FAM217A: variants seen among roughly 807,000 people sequenced by gnomAD.
FAM217A encodes protein FAM217A.
Under a neutral mutation model 18.5 loss-of-function variants are expected in FAM217A, and 13 were observed. The ratio of observed to expected loss-of-function variants is 0.70; its 90% CI spans 0.46 to 1.12. The LOEUF is 1.12. Ranked by LOEUF, FAM217A falls within the 50% of genes most tolerant of loss-of-function variation. The pLI is 0.00. For synonymous variants in FAM217A, 161 were observed against 202.8 expected (o/e 0.79, Z 1.75); for missense variants, 560 against 575.4 (o/e 0.97, Z 0.27).
chr6:4,084,883 C>G, intron 1 of FAM217A: 1 of 675,244 alleles, frequency 1.5e-6, no homozygotes, highest in East Asian at 2.7e-5. Flanking sequence ...AGAAAAACAA[C>G]CCAGAGTCAT....
chr6:4,077,548 T>C, intron 1 of FAM217A, 100 bp from the exon 2 acceptor site: 1 of 1,031,534 alleles, frequency 9.7e-7, no homozygotes, highest in South Asian at 1.3e-5. Context: ...GGTAAGAGAA[T>C]GCTTAGAAAG....
chr6:4,073,203 C>A (rs1336694850), intron 6 of FAM217A, 72 bp downstream of exon 6: 11 of 1,183,268 alleles, frequency 9.3e-6, no homozygotes, highest in African/African-American at 3.1e-5. Context: ...CCTTGTATTT[C>A]AAATAGTTAT....
intron 2 of FAM217A, among the ~76,000 whole-genome samples, chr6:4,076,036 G>C (rs1021925071): frequency 6.6e-6 from 1 of 152,152 alleles, no homozygotes; most frequent in Non-Finnish European, 1.5e-5. Flanking sequence ...TTTAAAGAAT[G>C]AGGGTGAGGG....
chr6:4,070,778 G>A (rs933047044), intron 6 of FAM217A, among the ~76,000 whole-genome samples: 3 of 152,178 alleles, frequency 2.0e-5, no homozygotes, highest in Non-Finnish European at 4.4e-5. Flanking sequence ...GCCAAGGCAG[G>A]CGGGTTGCTT....
In FAM217A at chr6:4,078,920, C is replaced by T. The variant is rs1770061037; in HGVS notation, c.-103G>A. 1.7e-6 allele frequency: 1 copy of T among 583,496 alleles called. No individual in the cohort carries two copies. The allele number at this position is 583,496 out of a possible 1,614,324, so 36.1% of individuals were successfully genotyped here. A position where few individuals can be genotyped will look rare whatever the true frequency, so the allele number is the denominator to read the frequency against. ...CGCCGCCCCGAGGCCCGAGCGCCTC[C>T]GCGTGCGTGGCTGACGGCTTGGAGG... On this transcript the variant is annotated 5_prime_UTR_variant, in exon 1 of 7. Transcript: ENST00000274673.
chr6:4,076,154 C>T (rs560092263), intron 2 of FAM217A, among the ~76,000 whole-genome samples: 14 of 150,866 alleles, frequency 9.3e-5, no homozygotes, highest in African/African-American at 2.9e-4. Flanking sequence ...CATGTCGAAA[C>T]CCCATTTCTA....
chr6:4,069,059 A>G lies in FAM217A; in HGVS notation c.1164T>C (p.Ser388=), dbSNP rs1769214827. 1.2e-6 allele frequency: 2 copies of G among 1,614,024 alleles called. No homozygotes were observed. Among genetic ancestry groups the G allele is most frequent in the Middle Eastern group, 1.7e-4 (1 of 6,056 alleles). The change falls in exon 7 of 7, where the codon AGT becomes AGC. Residue 388 remains serine (S), a synonymous_variant. Coordinates refer to ENST00000274673, the MANE Select transcript of FAM217A (RefSeq NM_173563.3). ...CAATCAATTGTTTTGGGGTGGAAGA[A>G]CTTTTTAGAGACAGTGGTCTAGAAT... ...RWNSRPLSLK[S]SSTPKQLIET...
upstream of FAM217A, chr6:4,079,606 G>C (rs1171574569): frequency 7.8e-7 from 1 of 1,287,156 alleles, no homozygotes; most frequent in South Asian, 1.2e-5. Flanking sequence ...GGGCCTCTGG[G>C]ACCCGGGGCC....
intron 4 of FAM217A, among the ~76,000 whole-genome samples, chr6:4,074,200 C>T (rs999304258): frequency 6.6e-6 from 1 of 152,032 alleles, no homozygotes; most frequent in African/African-American, 2.4e-5. Flanking sequence ...TCGGCAATGA[C>T]TAAAAAATAC....
upstream of FAM217A, among the ~76,000 whole-genome samples, chr6:4,083,857 C>T (rs1007690217): frequency 2.6e-5 from 4 of 152,128 alleles, no homozygotes; most frequent in Non-Finnish European, 4.4e-5. Flanking sequence ...CCCCAGCCTA[C>T]AGCAGAATCT....
chr6:4,069,961 G>A, intron 6 of FAM217A, 41 bp from the exon 7 acceptor site: 1 of 1,350,154 alleles, frequency 7.4e-7, no homozygotes, highest in African/African-American at 1.5e-5. Context: ...TTATTGACTA[G>A]AATTAAAATG....
chr6:4,069,725 A>G lies in FAM217A; in HGVS notation c.498T>C (p.His166=), dbSNP rs1769279649. The stretch of plus-strand genomic sequence containing the variant: ...TTTCTATAGTTGAACATGAACTAAC[A>G]TGAATCTCATTTCTGTTCTTAAAAA... The part of the protein sequence containing the change: ...GDFFKNRNEI[H]VSSCSTIENN... The change falls in exon 7 of 7, where the codon CAT becomes CAC. Residue 166 remains histidine, a synonymous_variant. Transcript: ENST00000274673. 2 of 1,614,036 alleles carry G rather than the reference A, an allele frequency of 1.2e-6. No individual in the cohort carries two copies. The highest frequency in any genetic ancestry group is 1.3e-5 in the African/African-American group (1 of 74,914).
chr6:4,086,882 T>C (rs2113903339), intron 1 of FAM217A: 1 of 398,194 alleles, frequency 2.5e-6, no homozygotes, highest in Non-Finnish European at 4.4e-6. Flanking sequence ...TTCTATTGTT[T>C]TCTGCTTTTT....
chr6:4,072,552 C>T (rs1205560207), intron 6 of FAM217A, among the ~76,000 whole-genome samples: 1 of 151,798 alleles, frequency 6.6e-6, no homozygotes, highest in African/African-American at 2.4e-5. Context: ...CACCTGAGGT[C>T]GGGAGTTTGA....
At position 4,069,575 on chromosome 6, in the gene FAM217A, G is replaced by C. The variant is rs1235289765; in HGVS notation, c.648C>G (p.Leu216=). 6.2e-7 allele frequency: 1 copy of C among 1,613,918 alleles called. No individual in the cohort carries two copies. The highest frequency in any genetic ancestry group is 8.5e-7 in the Non-Finnish European group (1 of 1,179,990). The part of the protein sequence containing the change: ...SENEKTNDTL[L]SYFKKVDLNL... ...TCAGGTCCACCTTTTTAAAATAGCT[G>C]AGTAAAGTATCATTTGTCTTCTCAT... Residue 216 remains leucine, a synonymous_variant, in exon 7 of 7, where the codon CTC becomes CTG. Coordinates refer to ENST00000274673, the MANE Select transcript of FAM217A (RefSeq NM_173563.3).
At chr6:4,078,641 G>A (rs1770032443) in intron 1 of FAM217A, among the ~76,000 whole-genome samples, 4 of 152,228 alleles carry the variant, frequency 2.6e-5, no homozygotes. Flanking sequence ...CGGCCCTGGG[G>A]ACAAAGGACG....
chr6:4,083,010 C>G (rs923483591), upstream of FAM217A, among the ~76,000 whole-genome samples: 1 of 152,198 alleles, frequency 6.6e-6, no homozygotes, highest in Non-Finnish European at 1.5e-5. Flanking sequence ...CATGGCCATG[C>G]CCAGGATTCA....
At position 4,085,311 on chromosome 6, in the gene FAM217A, A is replaced by AAAAAAAATATAT. The variant is rs377046907; in HGVS notation, c.19-502_19-501insATATATTTTTTT. Among the ~76,000 whole-genome samples, 411 of 146,428 alleles carry AAAAAAAATATAT rather than the reference A, an allele frequency of 2.8e-3. 3 individuals are homozygous for AAAAAAAATATAT. The highest frequency in any genetic ancestry group is 4.5e-3 in the Non-Finnish European group (301 of 66,732). On this transcript the variant is annotated intron_variant, in intron 1 of 8. Coordinates refer to the FAM217A transcript ENST00000639338. ...AGAAGTGTTATTCATTGTAAAAAAAAATATATATATATATATAAAATATGT... is the reference window on the plus strand; with the variant it reads ...AGAAGTGTTATTCATTGTAAAAAAAAAAAAAAATATATATATATATATATATATAAAATATGT...
At chr6:4,074,115 G>T (rs1769605807) in intron 4 of FAM217A, among the ~76,000 whole-genome samples, 1 of 152,102 alleles carries the variant, frequency 6.6e-6, no homozygotes, top group Non-Finnish European at 1.5e-5. Context: ...GCCTCCTAAA[G>T]TGCTGGGATT....
Sources: allele counts gnomAD v4.1 joint callset (sites outside exome capture counted in the v4.1 genomes callset), GRCh38; gene constraint gnomAD v4.1.1; transcripts MANE v1.5; gene names NCBI Gene and HGNC (gene_info 2026-07-23, HGNC 2026-07-21).